CREB5: variants seen among roughly 807,000 people sequenced by gnomAD.
CREB5 encodes cAMP responsive element binding protein 5, also known as cyclic AMP-responsive element-binding protein 5.
Under a neutral mutation model 57.1 loss-of-function variants are expected in CREB5, and 19 were observed. The observed-to-expected ratio is 0.33, with a 90% CI of 0.23 to 0.49. The LOEUF (loss-of-function observed/expected upper bound fraction) is 0.49. Ranked by LOEUF, CREB5 falls within the 20% of genes least tolerant of loss-of-function variation. CREB5 has a pLI of 0.99. For synonymous variants in CREB5, 238 were observed against 238.3 expected (o/e 1.00, Z 0.01); for missense variants, 579 against 671.6 (o/e 0.86, Z 1.52).
At chr7:28,737,596 T>G (rs1490096511) in intron 7 of CREB5, among the ~76,000 whole-genome samples, 1 of 135,188 alleles carries the variant, frequency 7.4e-6, no homozygotes, top group Non-Finnish European at 1.6e-5. Flanking sequence ...TATTTTTAAC[T>G]CCTGTTTCAA....
chr7:28,550,785 C>T lies in CREB5; in HGVS notation c.292-19580C>T, dbSNP rs192679271. 6.6e-5 allele frequency among the ~76,000 whole-genome samples: 10 copies of T among 152,288 alleles called. No individual in the cohort carries two copies. In the East Asian group the frequency reaches 1.5e-3, roughly 23 times the overall value. On this transcript the variant is annotated intron_variant, in intron 4 of 10. Coordinates refer to ENST00000357727, the MANE Select transcript of CREB5 (RefSeq NM_182898.4). ...AAACACTGTAACATTGTGGTGAATG[C>T]GCTATTAAGGGACTGTAAATTGCTT...
intron 5 of CREB5, among the ~76,000 whole-genome samples, chr7:28,586,281 C>A (rs1389614231): frequency 6.6e-6 from 1 of 152,180 alleles, no homozygotes; most frequent in African/African-American, 2.4e-5. Context: ...AGTGTGGTGG[C>A]TGCCACGACA....
chr7:28,428,213 A>T (rs1239548585), intron 1 of CREB5, among the ~76,000 whole-genome samples: 2 of 152,198 alleles, frequency 1.3e-5, no homozygotes, highest in East Asian at 1.9e-4. Flanking sequence ...AAGGAAGCAG[A>T]TGTAGAGACA....
intron 5 of CREB5, among the ~76,000 whole-genome samples, chr7:28,585,532 G>T (rs1796274433): frequency 6.6e-6 from 1 of 152,144 alleles, no homozygotes; most frequent in African/African-American, 2.4e-5. Flanking sequence ...CCTAATACAT[G>T]TTTTTGAAAA....
At chr7:28,703,974 T>C (rs1489433995) in intron 5 of CREB5, among the ~76,000 whole-genome samples, 2 of 152,324 alleles carry the variant, frequency 1.3e-5, no homozygotes, top group East Asian at 1.9e-4. Context: ...CTTAGCTCTT[T>C]AGCAGGTGGT....
At chr7:28,572,991 G>C (rs548307411) in intron 5 of CREB5, among the ~76,000 whole-genome samples, 1 of 152,106 alleles carries the variant, frequency 6.6e-6, no homozygotes, top group South Asian at 2.1e-4. Context: ...ATTCCTCCCT[G>C]GTGTGTTTGC....
chr7:28,454,443 T>A (rs1562727445), intron 1 of CREB5, among the ~76,000 whole-genome samples: 1 of 152,206 alleles, frequency 6.6e-6, no homozygotes, highest in Admixed American at 6.5e-5. Context: ...TCTGACCTTC[T>A]GCTGTCTGCC....
chr7:28,749,929 GT>G (rs398004174), intron 7 of CREB5, among the ~76,000 whole-genome samples: 66 of 147,712 alleles, frequency 4.5e-4, no homozygotes, highest in African/African-American at 9.2e-4. Flanking sequence ...GCAACTGATA[GT>G]TTTTTTTTTT....
intron 5 of CREB5, among the ~76,000 whole-genome samples, chr7:28,664,495 A>G (rs780861668): frequency 3.3e-5 from 5 of 152,084 alleles, no homozygotes; most frequent in Non-Finnish European, 7.4e-5. Context: ...GGTTTGACTA[A>G]AATGAAATTT....
chr7:28,560,975 T>TGCGTGCGCGTGC (rs1270769785), intron 4 of CREB5, among the ~76,000 whole-genome samples: 2 of 23,406 alleles, frequency 8.5e-5, no homozygotes, highest in South Asian at 2.8e-3. Context: ...TGTGTGTGCG[T>TGCGTGCGCGTGC]GTGTGCGTGC....
At chr7:28,349,988 C>T (rs1293456866) in intron 1 of CREB5, among the ~76,000 whole-genome samples, 2 of 152,156 alleles carry the variant, frequency 1.3e-5, no homozygotes, top group East Asian at 3.9e-4. Flanking sequence ...CAATTCTAAT[C>T]AAGGCCTTTT....
chr7:28,601,006 T>C (rs1247970935), intron 5 of CREB5, among the ~76,000 whole-genome samples: 1 of 152,116 alleles, frequency 6.6e-6, no homozygotes, highest in Non-Finnish European at 1.5e-5. Context: ...CTCTGTCCAC[T>C]TTCTAGTTGG....
chr7:28,481,170 A>G (rs903520285), intron 1 of CREB5, among the ~76,000 whole-genome samples: 1 of 152,146 alleles, frequency 6.6e-6, no homozygotes, highest in Non-Finnish European at 1.5e-5. Flanking sequence ...TCCAGAGACA[A>G]AAGCTGTTTG....
At chr7:28,579,389 A>G (rs1330597982) in intron 5 of CREB5, among the ~76,000 whole-genome samples, 1 of 152,126 alleles carries the variant, frequency 6.6e-6, no homozygotes, top group Non-Finnish European at 1.5e-5. Context: ...AAGTTCCTGT[A>G]GTGTAATAAA....
chr7:28,560,624 A>C (rs1319200022), intron 4 of CREB5, among the ~76,000 whole-genome samples: 1 of 152,110 alleles, frequency 6.6e-6, no homozygotes, highest in Non-Finnish European at 1.5e-5. Flanking sequence ...GGTCAAGAAG[A>C]GGCAAGGCAG....
At chr7:28,514,616 C>T (rs1792865787) in intron 4 of CREB5, among the ~76,000 whole-genome samples, 1 of 152,146 alleles carries the variant, frequency 6.6e-6, no homozygotes, top group Non-Finnish European at 1.5e-5. Context: ...AGGATGGTCT[C>T]AATCTCGGAC....
At chr7:28,551,878 C>CTT (rs1554342231) in intron 4 of CREB5, among the ~76,000 whole-genome samples, 1 of 148,870 alleles carries the variant, frequency 6.7e-6, no homozygotes, top group Non-Finnish European at 1.5e-5. Flanking sequence ...CTTTTTCTTT[C>CTT]TTTCTTTTCT....
At chr7:28,416,989 A>G (rs1788053872) in intron 1 of CREB5, among the ~76,000 whole-genome samples, 5 of 152,228 alleles carry the variant, frequency 3.3e-5, no homozygotes, top group Admixed American at 3.3e-4. Context: ...AGTTGAAATT[A>G]GATTGATGGC....
intron 5 of CREB5, among the ~76,000 whole-genome samples, chr7:28,633,194 G>A (rs1451182382): frequency 6.6e-6 from 1 of 152,162 alleles, no homozygotes; most frequent in Non-Finnish European, 1.5e-5. Context: ...ATAAATGCTA[G>A]AATGACAATT....
Sources: gnomAD v4.1 joint callset for allele counts (sites outside exome capture counted in the v4.1 genomes callset) on GRCh38, gnomAD v4.1.1 for gene constraint, MANE v1.5 for transcripts, NCBI Gene and HGNC (gene_info 2026-07-23, HGNC 2026-07-21) for gene names.